The following PATJ variants were observed in gnomAD, a reference collection of about 807,000 sequenced individuals.
PATJ encodes the protein inaD-like protein.
A neutral mutation model predicts 224.9 loss-of-function variants in PATJ; 190 were observed. That is an observed-to-expected ratio of 0.84 (90% CI 0.75 to 0.95). The LOEUF (loss-of-function observed/expected upper bound fraction) is 0.95, where lower values mean the gene tolerates loss of function less well. PATJ is among the 40% of genes least tolerant of loss of function. The pLI, the probability that PATJ is intolerant of heterozygous loss-of-function variation, is 0.00. For synonymous variants in PATJ, 769 were observed against 820.3 expected, an observed-to-expected ratio of 0.94 and a Z score of 1.07; for missense variants, 2,121 against 2,270.3, an observed-to-expected ratio of 0.93 and a Z score of 1.34.
chr1:61,998,457 G>A (rs1645551017), intron 28 of PATJ, among the ~76,000 whole-genome samples: 1 of 151,942 alleles, frequency 6.6e-6, no homozygotes, highest in South Asian at 2.1e-4. Context: ...CAACTCCTGG[G>A]CTCAGGCAGT....
intron 27 of PATJ, among the ~76,000 whole-genome samples, chr1:61,965,897 G>A (rs1410197449): frequency 6.6e-6 from 1 of 152,126 alleles, no homozygotes; most frequent in African/African-American, 2.4e-5. Context: ...TATTATTTAT[G>A]TTATTTTTAT....
chr1:61,743,066 A>G (rs1055690269), intron 1 of PATJ, among the ~76,000 whole-genome samples: 8 of 152,086 alleles, frequency 5.3e-5, no homozygotes, highest in African/African-American at 1.9e-4. Context: ...GTGAGGGGAC[A>G]AAGAGGAGGG....
At position 62,125,261 on chromosome 1, in the gene PATJ, A is replaced by C. The variant is rs1188665598; in HGVS notation, c.5043+2203A>C. Reference sequence around the variant, plus strand: ...CAAAAAAAAAAAAAAAAACAAAAAAAAACAAAAAAAAAACGCCATTAGCTC... The same window carrying C: ...CAAAAAAAAAAAAAAAAACAAAAAACAACAAAAAAAAAACGCCATTAGCTC... On this transcript the variant is annotated intron_variant, in intron 39 of 43. Coordinates refer to ENST00000642238, the MANE Select transcript of PATJ (RefSeq NM_001350145.3). Among the ~76,000 whole-genome samples the C allele has an allele frequency of 1.2e-3, 135 of 110,852 alleles. 2 individuals are homozygous for C. The highest frequency in any genetic ancestry group is 6.3e-3 in the Admixed American group (59 of 9,424). 72.7% of individuals were successfully genotyped at this position (110,852 alleles called of 152,430 possible). A position where few individuals can be genotyped will look rare whatever the true frequency, so the allele number is the denominator to read the frequency against.
chr1:62,070,069 C>A (rs1008003842), intron 31 of PATJ, among the ~76,000 whole-genome samples: 1 of 152,082 alleles, frequency 6.6e-6, no homozygotes, highest in Non-Finnish European at 1.5e-5. Context: ...GATTTTTAAA[C>A]CTGTAGTTTG....
At chr1:62,035,664 T>G (rs1009048575) in intron 29 of PATJ, among the ~76,000 whole-genome samples, 4 of 142,882 alleles carry the variant, frequency 2.8e-5, no homozygotes, top group South Asian at 2.4e-4. Flanking sequence ...TGCCAGGCAC[T>G]GTGTTACCCC....
intron 38 of PATJ, 59 bp downstream of exon 38, chr1:62,121,354 ATGTGTTTTT>A: frequency 1.5e-5 from 17 of 1,099,654 alleles, no homozygotes; most frequent in Non-Finnish European, 2.0e-5. Flanking sequence ...AAAAAAAAAA[ATGTGTTTTT>A]TAAAAACCAG....
intron 16 of PATJ, among the ~76,000 whole-genome samples, chr1:61,828,780 G>T (rs1224987730): frequency 6.6e-6 from 1 of 151,958 alleles, no homozygotes; most frequent in Admixed American, 6.6e-5. Flanking sequence ...ATCTCTTTTA[G>T]GTTGTAATTC....
In PATJ at chr1:61,795,640, A is replaced by C. The variant is rs1432359336; in HGVS notation, c.1260+82A>C. ...TATTATAATACATGTGAGAGGGGGA[A>C]TAGCTTAATATAGTTTTATAAGGTT... On this transcript the variant is annotated intron_variant, in intron 10 of 43. Transcript: ENST00000642238. 56 of 724,300 alleles carry C rather than the reference A, an allele frequency of 7.7e-5. No individual in the cohort carries two copies. In the Admixed American group the frequency reaches 1.6e-3, roughly 20 times the overall value. 44.9% of individuals were successfully genotyped at this position (724,300 alleles called of 1,614,324 possible).
At chr1:62,100,251 TC>T in intron 33 of PATJ, 1 of 619,372 alleles carries the variant, frequency 1.6e-6, no homozygotes, top group Non-Finnish European at 3.0e-6. Context: ...TACTCCATTT[TC>T]TGCTGCTATA....
intron 20 of PATJ, among the ~76,000 whole-genome samples, chr1:61,872,657 T>A (rs1384672414): frequency 6.6e-6 from 1 of 152,216 alleles, no homozygotes; most frequent in East Asian, 1.9e-4. Flanking sequence ...TCTACAAATG[T>A]AATCAATCTA....
chr1:61,882,281 C>T (rs1220134028), intron 21 of PATJ, among the ~76,000 whole-genome samples: 1 of 152,108 alleles, frequency 6.6e-6, no homozygotes, highest in Non-Finnish European at 1.5e-5. Flanking sequence ...ATTTGACTGA[C>T]ACGTGAGTAA....
Position 61,763,107 on chromosome 1 carries a change from T to G in PATJ, c.117T>G (p.Tyr39Ter). 2 of 1,611,154 alleles carry G rather than the reference T, an allele frequency of 1.2e-6. No individual in the cohort carries two copies. Among genetic ancestry groups the G allele is most frequent in the Non-Finnish European group, 8.5e-7 (1 of 1,178,112 alleles). The change falls in exon 3 of 44, where the codon TAT (tyrosine) becomes TAG (stop). Residue 39 changes from tyrosine (Y) to a stop codon, truncating the protein, a stop_gained. Coordinates refer to ENST00000642238, the MANE Select transcript of PATJ (RefSeq NM_001350145.3). LOFTEE classifies it high-confidence loss of function. ...AGAATGAGAAGTTATCTATGTTTTA[T>G]GAGACACTAAAGAGTCCTCTCTTCA... Reference protein sequence around the residue: ...TSQNEKLSMFYETLKSPLFNQ... With the variant: ...TSQNEKLSMF
At chr1:61,777,699 CTTTCTTTTTTTTTTT>C (rs1390061308) in intron 7 of PATJ, among the ~76,000 whole-genome samples, 1 of 80,086 alleles carries the variant, frequency 1.2e-5, no homozygotes, top group Non-Finnish European at 2.3e-5. Context: ...TTCTTTCTTT[CTTTCTTTTTTTTTTT>C]TTTTTTTTTT....
intron 28 of PATJ, among the ~76,000 whole-genome samples, chr1:62,006,938 G>T (rs1646129429): frequency 1.3e-5 from 2 of 152,162 alleles, no homozygotes; most frequent in African/African-American, 4.8e-5. Context: ...TTGTTCCCAG[G>T]CTATAAACCT....
rs148865861 is a variant in PATJ, at chr1:62,018,928, A to G, written c.3959+981A>G. ...TAACGTGATTGAAATATCCCTTCCC[A>G]CTTCTACTTTGCTCCTGAAGAAATC... On this transcript the variant is annotated intron_variant, in intron 29 of 43. Coordinates refer to ENST00000642238, the MANE Select transcript of PATJ (RefSeq NM_001350145.3). This position sits in a 1 kb window ranked among gnomAD's most constrained non-coding sequence, Gnocchi z 4.2. Among the ~76,000 whole-genome samples the G allele has an allele frequency of 5.1e-4, 78 of 152,032 alleles. 1 individual carries two copies. In the East Asian group the frequency reaches 0.015, roughly 29 times the overall value.
At chr1:62,075,159 T>G (rs1658086848) in intron 31 of PATJ, among the ~76,000 whole-genome samples, 1 of 152,230 alleles carries the variant, frequency 6.6e-6, no homozygotes, top group African/African-American at 2.4e-5. Context: ...TTTTAAGTCC[T>G]TTCTGCAGCT....
At chr1:61,765,339 A>G (rs1570346557) in intron 3 of PATJ, among the ~76,000 whole-genome samples, 1 of 150,432 alleles carries the variant, frequency 6.6e-6, no homozygotes, top group East Asian at 2.0e-4. Context: ...GATCTCCCAA[A>G]GTGCTGGGAT....
At chr1:61,757,862 T>A (rs902057282) in intron 1 of PATJ, among the ~76,000 whole-genome samples, 8 of 152,002 alleles carry the variant, frequency 5.3e-5, no homozygotes, top group African/African-American at 1.9e-4. Flanking sequence ...ATGTTGACCA[T>A]GCTGATGTTG....
intron 17 of PATJ, among the ~76,000 whole-genome samples, chr1:61,843,742 T>C (rs1381638429): frequency 6.6e-6 from 1 of 150,686 alleles, no homozygotes; most frequent in East Asian, 1.9e-4. Context: ...AAAATGCATA[T>C]AAATGCCTAT....
Sources: gnomAD v4.1 joint callset for allele counts (sites outside exome capture counted in the v4.1 genomes callset) on GRCh38, gnomAD v4.1.1 for gene constraint, Gnocchi (gnomAD v3.1) non-coding constraint, MANE v1.5 for transcripts, NCBI Gene and HGNC (gene_info 2026-07-23, HGNC 2026-07-21) for gene names.